The following SND1 variants were observed in gnomAD, a reference collection of about 807,000 sequenced individuals.
SND1 encodes the protein staphylococcal nuclease and tudor domain containing 1.
Under a neutral mutation model 121.7 loss-of-function variants are expected in SND1, and 38 were observed. The ratio of observed to expected loss-of-function variants is 0.31; its 90% CI spans 0.24 to 0.41. The LOEUF is 0.41. Among genes scored for constraint, SND1 ranks in the 10% least tolerant of loss-of-function variants. The pLI is 1.00. For synonymous variants in SND1, 401 were observed against 447.4 expected (o/e 0.90, Z 1.31); for missense variants, 868 against 1,184.6 (o/e 0.73, Z 3.92).
chr7:127,808,986 G>A (rs759071426), intron 11 of SND1, among the ~76,000 whole-genome samples: 12 of 152,178 alleles, frequency 7.9e-5, no homozygotes, highest in Admixed American at 1.3e-4. Flanking sequence ...GTTGTGTGGC[G>A]TGTATTATGG....
At position 128,050,250 on chromosome 7, in the gene SND1, G is replaced by A. The variant is rs184401303; in HGVS notation, c.1780-24252G>A. Among the ~76,000 whole-genome samples the A allele has an allele frequency of 3.7e-3, 567 of 152,288 alleles. 1 individual carries two copies. Among genetic ancestry groups the A allele is most frequent in the Non-Finnish European group, 6.6e-3 (446 of 68,022 alleles). ...CGCCTCTATGGAGGCATTTGCAAAA[G>A]TCACTGTTTTCTGGCCATCTTTAAT... On this transcript the variant is annotated intron_variant, in intron 16 of 23. Transcript: ENST00000354725.
At chr7:127,891,746 C>T (rs1800013004) in intron 13 of SND1, among the ~76,000 whole-genome samples, 1 of 152,136 alleles carries the variant, frequency 6.6e-6, no homozygotes, top group Admixed American at 6.5e-5. Flanking sequence ...AAGTCTCTCA[C>T]TGCTTGAACT....
intron 16 of SND1, among the ~76,000 whole-genome samples, chr7:128,053,801 C>G: frequency 6.6e-6 from 1 of 152,264 alleles, no homozygotes; most frequent in East Asian, 1.9e-4. Context: ...TATTGCTTCC[C>G]TGGAGATACA....
intron 10 of SND1, among the ~76,000 whole-genome samples, chr7:127,738,683 T>A (rs1327377650): frequency 6.6e-6 from 1 of 152,158 alleles, no homozygotes; most frequent in Non-Finnish European, 1.5e-5. Flanking sequence ...GCTTTTTCCC[T>A]GAGGTCTTTT....
At chr7:127,705,597 A>C (rs905895527) in intron 8 of SND1, among the ~76,000 whole-genome samples, 1 of 150,588 alleles carries the variant, frequency 6.6e-6, no homozygotes, top group African/African-American at 2.5e-5. Context: ...GTAGATGTAG[A>C]TGTAGATGTA....
intron 16 of SND1, among the ~76,000 whole-genome samples, chr7:128,071,407 C>A (rs761503145): frequency 2.6e-5 from 4 of 152,076 alleles, no homozygotes; most frequent in African/African-American, 4.8e-5. Flanking sequence ...CCATAAATAA[C>A]AAAATTGAAC....
intron 10 of SND1, among the ~76,000 whole-genome samples, chr7:127,726,470 A>G (rs977356598): frequency 6.6e-6 from 1 of 152,234 alleles, no homozygotes; most frequent in Admixed American, 6.5e-5. Flanking sequence ...CTCTAAAGGT[A>G]TAGTTTGTTT....
intron 16 of SND1, chr7:127,997,878 T>TGCACCACCTTTTCTTGGAAGGC (rs1374460838): frequency 1.9e-6 from 1 of 534,802 alleles, no homozygotes; most frequent in Non-Finnish European, 3.8e-6. Flanking sequence ...TTCTGGAAGG[T>TGCACCACCTTTTCTTGGAAGGC]GCACCACCTT....
At chr7:127,779,492 C>T (rs1474391333) in intron 10 of SND1, among the ~76,000 whole-genome samples, 1 of 152,206 alleles carries the variant, frequency 6.6e-6, no homozygotes, top group Admixed American at 6.5e-5. Context: ...AGACAATGGC[C>T]ATATTCCCAT....
At chr7:128,031,449 G>A (rs1792598697) in intron 16 of SND1, 1 of 151,760 alleles carries the variant, frequency 6.6e-6, no homozygotes, top group East Asian at 1.9e-4. Context: ...TGAGCTCGCG[G>A]AGCGGCGAGA....
intron 1 of SND1, among the ~76,000 whole-genome samples, chr7:127,655,494 C>G (rs1280455323): frequency 6.6e-6 from 1 of 152,170 alleles, no homozygotes; most frequent in African/African-American, 2.4e-5. Flanking sequence ...CAGAAAAAAT[C>G]AGCAAGGATG....
chr7:127,993,292 G>T (rs1802562211), intron 16 of SND1, among the ~76,000 whole-genome samples: 1 of 152,154 alleles, frequency 6.6e-6, no homozygotes, highest in Non-Finnish European at 1.5e-5. Context: ...TTTTACCTAT[G>T]TAGTACCTCC....
At chr7:127,795,346 A>C (rs1406687709) in intron 10 of SND1, among the ~76,000 whole-genome samples, 1 of 152,178 alleles carries the variant, frequency 6.6e-6, no homozygotes, top group Non-Finnish European at 1.5e-5. Context: ...TAACCTCAAA[A>C]TATACCAACC....
chr7:127,935,202 T>C (rs978474137), intron 15 of SND1, among the ~76,000 whole-genome samples: 2 of 152,126 alleles, frequency 1.3e-5, no homozygotes, highest in African/African-American at 2.4e-5. Flanking sequence ...AAGTACAGAT[T>C]GCACTTCCCT....
chr7:128,028,143 G>A (rs1803532735), intron 16 of SND1: 1 of 152,424 alleles, frequency 6.6e-6, no homozygotes, highest in African/African-American at 2.4e-5. Context: ...AAATATTATT[G>A]CCACTATCAT....
intron 9 of SND1, among the ~76,000 whole-genome samples, chr7:127,711,334 A>G (rs2116364008): frequency 6.6e-6 from 1 of 152,342 alleles, no homozygotes; most frequent in South Asian, 2.1e-4. Flanking sequence ...TTTCATGTCC[A>G]TTCTCTACAT....
chr7:127,983,194 T>C (rs766796414), intron 15 of SND1, among the ~76,000 whole-genome samples: 4 of 152,150 alleles, frequency 2.6e-5, no homozygotes, highest in Admixed American at 2.6e-4. Context: ...TATGGGAAAG[T>C]ATAGAAATGG....
At chr7:127,929,077 A>G in intron 14 of SND1, 111 bp from the exon 15 acceptor site, 1 of 1,030,972 alleles carries the variant, frequency 9.7e-7, no homozygotes. Context: ...AAATGTCTAT[A>G]AATAGGGTTA....
intron 15 of SND1, chr7:127,949,330 A>C (rs1479339076): frequency 6.6e-6 from 1 of 152,204 alleles, no homozygotes; most frequent in South Asian, 2.1e-4. Context: ...TATTTGCATC[A>C]AACTTAAAAG....
Sources: gnomAD v4.1 joint callset for allele counts (sites outside exome capture counted in the v4.1 genomes callset) on GRCh38, gnomAD v4.1.1 for gene constraint, MANE v1.5 for transcripts, NCBI Gene and HGNC (gene_info 2026-07-23, HGNC 2026-07-21) for gene names.